Variants in ABLIM3 observed in about 807,000 individuals in gnomAD.
ABLIM3 encodes actin binding LIM protein family member 3, also known as actin-binding LIM protein 3.
ABLIM3 carries 61 observed loss-of-function variants against 109.5 expected under a neutral mutation model. The ratio of observed to expected loss-of-function variants is 0.56; its 90% CI spans 0.45 to 0.69. ABLIM3 has a LOEUF of 0.69. Ranked by LOEUF, ABLIM3 falls within the 30% of genes least tolerant of loss-of-function variation. The probability of loss-of-function intolerance (pLI) is 0.00; values close to 1 mark genes in which losing one functional copy is unlikely to be tolerated. For missense variants in ABLIM3, 796 were observed against 889.5 expected, an observed-to-expected ratio of 0.89 and a Z score of 1.34; for synonymous variants, 300 against 324.8, an observed-to-expected ratio of 0.92 and a Z score of 0.82.
At chr5:149,186,838 A>T (rs546507608) in intron 3 of ABLIM3, among the ~76,000 whole-genome samples, 177 of 150,600 alleles carry the variant, frequency 1.2e-3, no homozygotes, top group African/African-American at 4.4e-3. Flanking sequence ...ACAAGCTAGA[A>T]AATATGAGCA....
chr5:149,245,787 T>A (rs1013520326), intron 16 of ABLIM3, among the ~76,000 whole-genome samples: 1 of 151,820 alleles, frequency 6.6e-6, no homozygotes, highest in Non-Finnish European at 1.5e-5. Flanking sequence ...GGGAAATTTT[T>A]CCCCCCATCA....
chr5:149,149,863 A>C (rs958613498), intron 2 of ABLIM3, among the ~76,000 whole-genome samples: 11 of 152,306 alleles, frequency 7.2e-5, no homozygotes, highest in Admixed American at 2.0e-4. Context: ...GAGCCTAGTA[A>C]CTGTGGCTCA....
chr5:149,228,983 TTTAAC>T (rs1473048428), intron 8 of ABLIM3, among the ~76,000 whole-genome samples: 1 of 152,232 alleles, frequency 6.6e-6, no homozygotes, highest in African/African-American at 2.4e-5. Context: ...CCTATGTCTC[TTTAAC>T]TTAAGTTCAT....
At chr5:149,200,763 C>T (rs1404929270) in intron 5 of ABLIM3, 3 of 303,838 alleles carry the variant, frequency 9.9e-6, no homozygotes, top group Non-Finnish European at 1.9e-5. Context: ...ACCAGTGGCT[C>T]TGAATTTTTA....
rs1350000117 is a variant in ABLIM3, at chr5:149,239,259, A to G, written c.1056A>G (p.Thr352=). 1.9e-6 allele frequency: 3 copies of G among 1,614,010 alleles called. No homozygotes were observed. Among genetic ancestry groups the G allele is most frequent in the African/African-American group, 2.7e-5 (2 of 74,928 alleles). ...ERCGYGESLG[T]LSPYSQDIYE... ...TCTTCACTTCTAAGTCGCTGGGAAC[A>G]TTATCTCCCTACTCCCAGGTAATTC... The change falls in exon 12 of 24, where the codon ACA becomes ACG. Residue 352 remains threonine (T), a synonymous_variant. Coordinates refer to ENST00000309868, the MANE Select transcript of ABLIM3 (RefSeq NM_014945.5).
chr5:149,163,251 C>T (rs1754539249), intron 2 of ABLIM3, among the ~76,000 whole-genome samples: 3 of 152,182 alleles, frequency 2.0e-5, no homozygotes, highest in African/African-American at 4.8e-5. Flanking sequence ...CTCCTTACAA[C>T]ATGTTGGGAT....
At chr5:149,162,127 T>A (rs953697009) in intron 2 of ABLIM3, among the ~76,000 whole-genome samples, 2 of 152,240 alleles carry the variant, frequency 1.3e-5, no homozygotes, top group African/African-American at 4.8e-5. Context: ...TCTGTTTTGC[T>A]GGTTATTAAA....
At chr5:149,241,129 G>A (rs1016099937) in intron 14 of ABLIM3, among the ~76,000 whole-genome samples, 2 of 152,206 alleles carry the variant, frequency 1.3e-5, no homozygotes, top group African/African-American at 4.8e-5. Flanking sequence ...GATGGAATCC[G>A]ATGCAGCTGC....
At chr5:149,158,935 G>C (rs1484551615) in intron 2 of ABLIM3, among the ~76,000 whole-genome samples, 1 of 152,162 alleles carries the variant, frequency 6.6e-6, no homozygotes, top group Non-Finnish European at 1.5e-5. Context: ...TGGTGAAAAT[G>C]TAAAATGGCA....
At chr5:149,146,996 G>A (rs1752990138) in intron 2 of ABLIM3, among the ~76,000 whole-genome samples, 1 of 152,042 alleles carries the variant, frequency 6.6e-6, no homozygotes, top group Non-Finnish European at 1.5e-5. Context: ...TATTTCAGTG[G>A]TGTTTTGTAG....
intron 2 of ABLIM3, among the ~76,000 whole-genome samples, chr5:149,166,373 C>T (rs1460865357): frequency 6.6e-6 from 1 of 152,176 alleles, no homozygotes; most frequent in East Asian, 1.9e-4. Context: ...GCAGCCTCTG[C>T]CAGCTTCCCA....
intron 9 of ABLIM3, among the ~76,000 whole-genome samples, chr5:149,231,603 C>T (rs1031575831): frequency 6.6e-6 from 1 of 152,184 alleles, no homozygotes; most frequent in African/African-American, 2.4e-5. Flanking sequence ...TCTGAAAGAG[C>T]CAGTTTATTG....
chr5:149,152,801 A>G (rs1444202049), intron 2 of ABLIM3, among the ~76,000 whole-genome samples: 5 of 152,138 alleles, frequency 3.3e-5, no homozygotes, highest in Non-Finnish European at 7.3e-5. Context: ...CACCCAGCTA[A>G]GGGATGACTG....
intron 3 of ABLIM3, among the ~76,000 whole-genome samples, chr5:149,197,040 T>C (rs1007522638): frequency 1.3e-5 from 2 of 152,234 alleles, no homozygotes; most frequent in African/African-American, 4.8e-5. Context: ...TGATCATTTT[T>C]GCAGCTGAGT....
At chr5:149,225,712 C>T (rs566487941) in intron 8 of ABLIM3, among the ~76,000 whole-genome samples, 2 of 152,058 alleles carry the variant, frequency 1.3e-5, no homozygotes, top group South Asian at 4.1e-4. Context: ...CCTTTCCCAG[C>T]CTTTCCCCCT....
chr5:149,188,512 T>C lies in ABLIM3; in HGVS notation c.151+4923T>C, dbSNP rs574569467. Among the ~76,000 whole-genome samples the C allele has an allele frequency of 9.8e-5, 15 of 152,334 alleles. No individual in the cohort carries two copies. In the East Asian group the frequency reaches 2.5e-3, roughly 25 times the overall value. ...AACAAGGCCTAAATAAATGGAAAGG[T>C]GTCCCTTGCTCATAAAATAAAAGAC... On this transcript the variant is annotated intron_variant, in intron 3 of 23. Coordinates refer to ENST00000309868, the MANE Select transcript of ABLIM3 (RefSeq NM_014945.5).
intron 14 of ABLIM3, 88 bp downstream of exon 14, chr5:149,240,862 G>A: frequency 8.0e-7 from 1 of 1,249,142 alleles, no homozygotes; most frequent in Non-Finnish European, 1.2e-6. Flanking sequence ...TGCCACACAG[G>A]CACCAAGAAG....
intron 3 of ABLIM3, among the ~76,000 whole-genome samples, chr5:149,193,450 A>G (rs1581096992): frequency 6.6e-6 from 1 of 151,960 alleles, no homozygotes; most frequent in African/African-American, 2.4e-5. Flanking sequence ...ATAGAATATC[A>G]TAAGAAAGAC....
At chr5:149,226,500 C>A (rs1761299419) in intron 8 of ABLIM3, among the ~76,000 whole-genome samples, 1 of 151,908 alleles carries the variant, frequency 6.6e-6, no homozygotes, top group African/African-American at 2.4e-5. Flanking sequence ...AAAAAGAAAT[C>A]CAGAGAGGAA....
Sources: gnomAD v4.1 joint callset for allele counts (sites outside exome capture counted in the v4.1 genomes callset) on GRCh38, gnomAD v4.1.1 for gene constraint, MANE v1.5 for transcripts, NCBI Gene and HGNC (gene_info 2026-07-23, HGNC 2026-07-21) for gene names.